USP24: variants seen among roughly 807,000 people sequenced by gnomAD.
The protein encoded by USP24 is ubiquitin specific peptidase 24.
USP24 carries 97 observed loss-of-function variants against 361.6 expected under a neutral mutation model. The observed-to-expected ratio is 0.27, with a 90% CI of 0.23 to 0.32. The LOEUF (loss-of-function observed/expected upper bound fraction) is 0.32, where lower values mean the gene tolerates loss of function less well. Among genes scored for constraint, USP24 ranks in the 10% least tolerant of loss-of-function variants. The pLI, the probability that USP24 is intolerant of heterozygous loss-of-function variation, is 1.00. For missense variants in USP24, 2,353 were observed against 3,165.6 expected, an observed-to-expected ratio of 0.74 and a Z score of 6.16; for synonymous variants, 1,098 against 1,124.6, an observed-to-expected ratio of 0.98 and a Z score of 0.47.
At chr1:55,155,768 C>T (rs761776391) in intron 12 of USP24, among the ~76,000 whole-genome samples, 22 of 152,116 alleles carry the variant, frequency 1.4e-4, no homozygotes, top group South Asian at 4.1e-4. Context: ...GGATGAAGTA[C>T]GTCTGGCTTA....
chr1:55,150,988 T>C (rs1647178056), intron 16 of USP24, among the ~76,000 whole-genome samples: 1 of 152,202 alleles, frequency 6.6e-6, no homozygotes, highest in South Asian at 2.1e-4. Flanking sequence ...ATTCTCTTTA[T>C]TCATTTTTTA....
Position 55,106,223 on chromosome 1 carries a change from G to A in USP24, c.4803C>T (p.Phe1601=), listed in dbSNP as rs1289311792. 1 of 1,613,938 alleles carries A rather than the reference G, an allele frequency of 6.2e-7. No individual in the cohort carries two copies. The highest frequency in any genetic ancestry group is 1.1e-5 in the South Asian group (1 of 91,078). Residue 1601 remains phenylalanine (F), a synonymous_variant, in exon 41 of 68, where the codon TTC becomes TTT. Coordinates refer to ENST00000294383, the MANE Select transcript of USP24 (RefSeq NM_015306.3). ...LIKPLLDDFL[F]RASRIILNSH... is the part of the protein sequence containing the mutation. The stretch of plus-strand genomic sequence containing the variant: ...TATTTAAAATAATTCTAGAAGCTCG[G>A]AAAAGGAAGTCATCTAACAATGGTT...
intron 37 of USP24, 44 bp downstream of exon 37, chr1:55,121,392 A>T (rs1646276297): frequency 6.4e-7 from 1 of 1,566,160 alleles, no homozygotes; most frequent in Non-Finnish European, 8.8e-7. Flanking sequence ...CTCACAAAAC[A>T]ACAGGACCAA....
rs190926082 is a variant in USP24 at position 55,068,724 on chromosome 1, C to A, written c.*321G>T. 9.0e-5 allele frequency: 28 copies of A among 310,946 alleles called. No individual in the cohort carries two copies. The Admixed American group carries it at 9.1e-4, about 10-fold the overall frequency. The allele number at this position is 310,946 out of a possible 1,614,324, so 19.3% of individuals were successfully genotyped here. ...TCGTAGAGAAAGCAACAGCTTTATG[C>A]TCACTCTTGTATGTTCGTGTAACAA... On this transcript the variant is annotated 3_prime_UTR_variant, in exon 68 of 68. Transcript: ENST00000294383.
intron 51 of USP24, 143 bp from the exon 52 acceptor site, chr1:55,094,230 A>G: frequency 1.3e-6 from 1 of 769,742 alleles, no homozygotes; most frequent in Non-Finnish European, 2.0e-6. Flanking sequence ...GTACCACATA[A>G]ATATATACAA....
chr1:55,146,188 A>G, intron 19 of USP24, 79 bp from the exon 20 acceptor site: 1 of 921,810 alleles, frequency 1.1e-6, no homozygotes. Flanking sequence ...AAAAGTAAAG[A>G]TACATTTTAA....
chr1:55,073,818 C>A lies in USP24; in HGVS notation c.7526+10G>T. ...ACCATTTCCTCCCTGCATTTTAATT[C>A]AATACTTACTTTTGAGCAAGAGTGA... On this transcript the variant is annotated intron_variant, in intron 64 of 67. Transcript: ENST00000294383. 1 of 1,562,108 alleles carries A rather than the reference C, an allele frequency of 6.4e-7. No homozygotes were observed. Among genetic ancestry groups the A allele is most frequent in the South Asian group, 1.2e-5 (1 of 84,554 alleles).
At chr1:55,183,769 T>C (rs779579255) in intron 1 of USP24, among the ~76,000 whole-genome samples, 13 of 152,048 alleles carry the variant, frequency 8.5e-5, no homozygotes, top group Non-Finnish European at 1.6e-4. Context: ...TCAAACACAA[T>C]TTAGACAAAG....
intron 9 of USP24, among the ~76,000 whole-genome samples, chr1:55,159,244 G>C (rs927029760): frequency 6.6e-6 from 1 of 152,154 alleles, no homozygotes; most frequent in African/African-American, 2.4e-5. Context: ...GAAAAATTTA[G>C]GGTAGACAAA....
chr1:55,195,824 TAC>T (rs921090603), intron 1 of USP24, among the ~76,000 whole-genome samples: 3 of 152,162 alleles, frequency 2.0e-5, no homozygotes, highest in African/African-American at 7.2e-5. Flanking sequence ...GTTTAACAGG[TAC>T]AGAGTTTCAG....
chr1:55,215,131 C>T lies in USP24; in HGVS notation c.-18G>A. 8.0e-7 allele frequency: 1 copy of T among 1,243,426 alleles called. No homozygotes were observed. Among genetic ancestry groups the T allele is most frequent in the Non-Finnish European group, 1.0e-6 (1 of 988,284 alleles). The allele number at this position is 1,243,426 out of a possible 1,614,324, so 77.0% of individuals were successfully genotyped here. A position where few individuals can be genotyped will look rare whatever the true frequency, so the allele number is the denominator to read the frequency against. The stretch of plus-strand genomic sequence containing the variant: ...GATTCCATGGCTTGGGCCTCCTGGC[C>T]GCCCCGGCCAGCGCACGGCGAAGCT... On this transcript the variant is annotated 5_prime_UTR_variant, in exon 1 of 68. Coordinates refer to ENST00000294383, the MANE Select transcript of USP24 (RefSeq NM_015306.3).
chr1:55,078,505 A>G (rs1167245709), intron 61 of USP24, 33 bp downstream of exon 61: 1 of 1,554,278 alleles, frequency 6.4e-7, no homozygotes, highest in Non-Finnish European at 8.8e-7. Context: ...CTTAAAGGCT[A>G]TCTGGCTATC....
At chr1:55,148,618 A>T in intron 16 of USP24, 48 bp from the exon 17 acceptor site, 1 of 1,349,342 alleles carries the variant, frequency 7.4e-7, no homozygotes, top group Non-Finnish European at 1.0e-6. Flanking sequence ...AATAAACAGC[A>T]GATTCATTTA....
At chr1:55,146,440 TA>T (rs1186753562) in intron 19 of USP24, among the ~76,000 whole-genome samples, 1 of 152,226 alleles carries the variant, frequency 6.6e-6, no homozygotes, top group Non-Finnish European at 1.5e-5. Flanking sequence ...TAGTTAATAT[TA>T]TTCTGTCAAA....
chr1:55,159,759 T>A, intron 8 of USP24, 74 bp from the exon 9 acceptor site: 2 of 1,335,620 alleles, frequency 1.5e-6, no homozygotes, highest in African/African-American at 1.5e-5. Flanking sequence ...CTTCTTCATC[T>A]ACAATTCACA....
At position 55,157,058 on chromosome 1, in the gene USP24, GAAGA is replaced by G. The variant is rs1557648036; in HGVS notation, c.1343-11_1343-8del. On this transcript the variant is annotated splice_region_variant and splice_polypyrimidine_tract_variant and intron_variant, in intron 11 of 67. Coordinates refer to ENST00000294383, the MANE Select transcript of USP24 (RefSeq NM_015306.3). Reference sequence around the variant, plus strand: ...TGTGCTTGGTCTATGTTGCCTAATTGAAGAAACATGAGAGAGAAAGTCAGATATA... The same window carrying G: ...TGTGCTTGGTCTATGTTGCCTAATTGAACATGAGAGAGAAAGTCAGATATA... 6.2e-7 allele frequency: 1 copy of G among 1,604,742 alleles called. No homozygotes were observed. Among genetic ancestry groups the G allele is most frequent in the Admixed American group, 1.7e-5 (1 of 59,138 alleles).
chr1:55,215,034 A>G lies in USP24; in HGVS notation c.80T>C (p.Leu27Pro). 6.8e-7 allele frequency: 1 copy of G among 1,475,302 alleles called. No individual in the cohort carries two copies. Among genetic ancestry groups the G allele is most frequent in the East Asian group, 2.8e-5 (1 of 35,540 alleles). 91.4% of individuals were successfully genotyped at this position (1,475,302 alleles called of 1,614,324 possible). A position where few individuals can be genotyped will look rare whatever the true frequency, so the allele number is the denominator to read the frequency against. ...GTTAATGTCGTTCTTGGCCAGGCGC[A>G]GGGCCTTGCGGATGGTGGCGGGGTC... Reference protein sequence around the residue: ...FSDPATIRKALRLAKNDINEA... With the variant: ...FSDPATIRKAPRLAKNDINEA... The change falls in exon 1 of 68, where the codon CTG becomes CCG. Residue 27 changes from leucine (L) to proline (P), a missense_variant. By Grantham distance (98) the Leu-to-Pro change is moderately conservative (BLOSUM62 -3). Coordinates refer to ENST00000294383, the MANE Select transcript of USP24 (RefSeq NM_015306.3).
chr1:55,148,368 AG>A (rs1647094789), intron 17 of USP24, 94 bp downstream of exon 17: 1 of 852,244 alleles, frequency 1.2e-6, no homozygotes, highest in East Asian at 2.8e-5. Context: ...ATAAACATAA[AG>A]ATAGTGACTA....
At chr1:55,133,469 C>T (rs1646647792) in intron 30 of USP24, among the ~76,000 whole-genome samples, 2 of 152,140 alleles carry the variant, frequency 1.3e-5, no homozygotes, top group South Asian at 2.1e-4. Flanking sequence ...AACTTCATCC[C>T]TCTGAGCTTT....
Sources: allele counts gnomAD v4.1 joint callset (sites outside exome capture counted in the v4.1 genomes callset), GRCh38; gene constraint gnomAD v4.1.1; transcripts MANE v1.5; gene names NCBI Gene and HGNC (gene_info 2026-07-23, HGNC 2026-07-21).